The following LRFN2 variants were observed in gnomAD, a reference collection of about 807,000 sequenced individuals.
LRFN2 encodes the protein leucine rich repeat and fibronectin type III domain containing 2, also known as leucine-rich repeat and fibronectin type-III domain-containing protein 2.
Under a neutral mutation model 37.3 loss-of-function variants are expected in LRFN2, and 18 were observed. That is an observed-to-expected ratio of 0.48 (90% CI 0.33 to 0.72). The LOEUF is 0.72. LRFN2 is among the 30% of genes least tolerant of loss of function. LRFN2 has a pLI of 0.02. For synonymous variants in LRFN2, 556 were observed against 466.6 expected (o/e 1.19, Z -2.47); for missense variants, 1,006 against 1,060.7 (o/e 0.95, Z 0.72).
intron 1 of LRFN2, among the ~76,000 whole-genome samples, chr6:40,464,022 G>A (rs1028641505): frequency 1.3e-5 from 2 of 152,048 alleles, no homozygotes; most frequent in Admixed American, 1.3e-4. Context: ...GTGTTAACTC[G>A]GACTTTACTC....
At chr6:40,441,730 C>T (rs753749854) in intron 1 of LRFN2, among the ~76,000 whole-genome samples, 2 of 152,166 alleles carry the variant, frequency 1.3e-5, no homozygotes, top group Non-Finnish European at 2.9e-5. Context: ...CTCCAGCCTA[C>T]AGGTGTGAGT....
At chr6:40,471,043 G>A (rs111531144) in intron 1 of LRFN2, among the ~76,000 whole-genome samples, 1 of 152,196 alleles carries the variant, frequency 6.6e-6, no homozygotes, top group Non-Finnish European at 1.5e-5. Flanking sequence ...GCTGGTCTGG[G>A]CCTGATAGGT....
chr6:40,406,199 G>A (rs767389359), intron 2 of LRFN2, among the ~76,000 whole-genome samples: 19 of 152,186 alleles, frequency 1.2e-4, no homozygotes, highest in Non-Finnish European at 2.4e-4. Context: ...CAGCCCCGTC[G>A]CAGGGTTGCT....
intron 2 of LRFN2, among the ~76,000 whole-genome samples, chr6:40,400,377 A>G (rs1352115983): frequency 2.0e-5 from 3 of 151,174 alleles, no homozygotes; most frequent in Non-Finnish European, 4.4e-5. Context: ...TGACTCTCAG[A>G]CACTGGCTGG....
At chr6:40,465,843 A>G (rs1764449273) in intron 1 of LRFN2, among the ~76,000 whole-genome samples, 1 of 152,190 alleles carries the variant, frequency 6.6e-6, no homozygotes, top group Admixed American at 6.5e-5. Context: ...GAAGAACAGC[A>G]GTGACCTCTA....
rs1011677703 is a variant in LRFN2 at position 40,542,260 on chromosome 6, T to C, written c.-19+44681A>G. 7.2e-5 allele frequency among the ~76,000 whole-genome samples: 11 copies of C among 152,200 alleles called. No homozygotes were observed. The South Asian group carries it at 1.2e-3, about 17-fold the overall frequency. ...TGAGCTTTCTGGGCCCCTGGGTGAA[T>C]TGCCTTTCCATGGGATGCAGGCTGT... On this transcript the variant is annotated intron_variant, in intron 1 of 2. Coordinates refer to ENST00000338305, the MANE Select transcript of LRFN2 (RefSeq NM_020737.3).
intron 1 of LRFN2, among the ~76,000 whole-genome samples, chr6:40,528,623 A>G (rs1157972386): frequency 6.6e-6 from 1 of 152,196 alleles, no homozygotes; most frequent in Non-Finnish European, 1.5e-5. Flanking sequence ...ATGAGGTTAC[A>G]TAAGTTGAAT....
In LRFN2 at chr6:40,403,318, G is replaced by A. The variant is rs111330861; in HGVS notation, c.1401-10406C>T. Among the ~76,000 whole-genome samples the A allele has an allele frequency of 6.2e-4, 5 of 8,012 alleles. No individual in the cohort carries two copies. The Non-Finnish European group carries it at 0.023, about 36-fold the overall frequency. The allele number at this position is 8,012 out of a possible 152,430, so 5.3% of individuals were successfully genotyped here. ...CACCAGGGCCTGAGTGATAATGGGG[G>A]AAGCACATGTCTGCTCTTTAGAGTG... is the stretch of plus-strand genomic sequence containing the variant. On this transcript the variant is annotated intron_variant, in intron 2 of 2. Transcript: ENST00000338305.
chr6:40,571,459 A>G (rs1378606198), intron 1 of LRFN2, among the ~76,000 whole-genome samples: 1 of 152,172 alleles, frequency 6.6e-6, no homozygotes, highest in Non-Finnish European at 1.5e-5. Flanking sequence ...ACTGCAGACA[A>G]CTTGCAGCAG....
At chr6:40,413,422 C>T (rs1421892623) in intron 2 of LRFN2, among the ~76,000 whole-genome samples, 1 of 152,172 alleles carries the variant, frequency 6.6e-6, no homozygotes, top group Non-Finnish European at 1.5e-5. Context: ...GAGGCAGTGG[C>T]TGCAGTAGCT....
At chr6:40,395,025 T>C (rs527629417) in intron 2 of LRFN2, among the ~76,000 whole-genome samples, 2 of 148,956 alleles carry the variant, frequency 1.3e-5, no homozygotes, top group East Asian at 4.0e-4. Context: ...AATGGACTAA[T>C]ACACAGCCCC....
At chr6:40,537,769 C>T (rs1217090399) in intron 1 of LRFN2, among the ~76,000 whole-genome samples, 1 of 152,134 alleles carries the variant, frequency 6.6e-6, no homozygotes, top group African/African-American at 2.4e-5. Flanking sequence ...ACTAAGGGGA[C>T]TCCCTCAGTG....
In LRFN2 at chr6:40,476,279, C is replaced by T. The variant is rs555770266; in HGVS notation, c.-18-43148G>A. On this transcript the variant is annotated intron_variant, in intron 1 of 2. Coordinates refer to ENST00000338305, the MANE Select transcript of LRFN2 (RefSeq NM_020737.3). Reference sequence around the variant, plus strand: ...GCTGGTGTCTGCCTTCTGTCTGCCGCTACGTTTCTCCAGACTTATCTCCTC... The same window carrying T: ...GCTGGTGTCTGCCTTCTGTCTGCCGTTACGTTTCTCCAGACTTATCTCCTC... Among the ~76,000 whole-genome samples the T allele has an allele frequency of 3.9e-5, 6 of 152,338 alleles. No homozygotes were observed. The South Asian group carries it at 1.2e-3, about 32-fold the overall frequency.
intron 1 of LRFN2, among the ~76,000 whole-genome samples, chr6:40,441,312 T>C (rs1031648509): frequency 2.6e-5 from 4 of 152,000 alleles, no homozygotes; most frequent in Non-Finnish European, 5.9e-5. Flanking sequence ...GAGGCTAGAA[T>C]GTGAATGGAG....
intron 2 of LRFN2, among the ~76,000 whole-genome samples, chr6:40,413,098 G>A (rs986094424): frequency 6.6e-6 from 1 of 152,168 alleles, no homozygotes; most frequent in Non-Finnish European, 1.5e-5. Context: ...CTGACCCCAT[G>A]CCACCCAGTG....
At chr6:40,424,582 G>GA (rs34334112) in intron 2 of LRFN2, among the ~76,000 whole-genome samples, 55,708 of 151,222 alleles carry the variant, frequency 0.37, 10,855 homozygotes, top group Non-Finnish European at 0.42. Flanking sequence ...TCAACAGCGT[G>GA]AAAAAAAAAT....
At chr6:40,482,347 T>G (rs1561873291) in intron 1 of LRFN2, among the ~76,000 whole-genome samples, 2 of 152,088 alleles carry the variant, frequency 1.3e-5, no homozygotes, top group Admixed American at 6.5e-5. Context: ...CACAGATGGA[T>G]GGACCAGAGT....
At chr6:40,465,202 C>T (rs1179441345) in intron 1 of LRFN2, among the ~76,000 whole-genome samples, 1 of 152,052 alleles carries the variant, frequency 6.6e-6, no homozygotes, top group Non-Finnish European at 1.5e-5. Context: ...CTAGAAAGAG[C>T]AAGGAAACAT....
chr6:40,509,636 C>CG (rs1391374059), intron 1 of LRFN2, among the ~76,000 whole-genome samples: 1 of 151,292 alleles, frequency 6.6e-6, no homozygotes, highest in Non-Finnish European at 1.5e-5. Flanking sequence ...TGCCTGCATG[C>CG]GGGTATGCCA....
Sources: gnomAD v4.1 joint callset for allele counts (sites outside exome capture counted in the v4.1 genomes callset) on GRCh38, gnomAD v4.1.1 for gene constraint, MANE v1.5 for transcripts, NCBI Gene and HGNC (gene_info 2026-07-23, HGNC 2026-07-21) for gene names.